Variants in TRAT1 observed in about 807,000 individuals in gnomAD.
TRAT1 encodes T cell receptor associated transmembrane adaptor 1, also known as T-cell receptor-associated transmembrane adapter 1.
In TRAT1, 20 loss-of-function variants were observed where a neutral mutation model predicts 20.0. The observed-to-expected ratio is 1.00, with a 90% CI of 0.70 to 1.45. The LOEUF is 1.45. TRAT1 is among the 40% of genes most tolerant of loss of function. The pLI, the probability that TRAT1 is intolerant of heterozygous loss-of-function variation, is 0.00. For synonymous variants in TRAT1, 77 were observed against 74.2 expected (o/e 1.04, Z -0.20); for missense variants, 237 against 224.1 (o/e 1.06, Z -0.37).
At chr3:108,838,356 TGATAGATA>T (rs11371183) in intron 2 of TRAT1, among the ~76,000 whole-genome samples, 3,477 of 77,000 alleles carry the variant, frequency 0.045, 67 homozygotes, top group South Asian at 0.085. Flanking sequence ...TATAGATAGA[TGATAGATA>T]GATAGATAGA....
At position 108,852,397 on chromosome 3, in the gene TRAT1, G is replaced by GCA. The variant is rs10575104; in HGVS notation, c.304-1198_304-1197dup. Reference sequence around the variant, plus strand: ...AGTCCATCTCAAAAAACACACGCATGCACACACACACACACACACACACAC... The same window carrying GCA: ...AGTCCATCTCAAAAAACACACGCATGCACACACACACACACACACACACACAC... On this transcript the variant is annotated intron_variant, in intron 5 of 5. Transcript: ENST00000295756. Among the ~76,000 whole-genome samples the GCA allele has an allele frequency of 5.3e-3, 786 of 148,174 alleles. 4 individuals are homozygous for GCA. The highest frequency in any genetic ancestry group is 0.017 in the African/African-American group (677 of 40,530).
Position 108,837,439 on chromosome 3 carries a change from C to T in TRAT1, c.119-1495C>T, listed in dbSNP as rs991156463. 5.3e-5 allele frequency among the ~76,000 whole-genome samples: 8 copies of T among 152,300 alleles called. No homozygotes were observed. In the East Asian group the frequency reaches 1.3e-3, roughly 26 times the overall value. ...ATGATTACTTTCATAAATTGTTCCACTAATGTGTCTTTAACAGTTAATAAC... is the reference window on the plus strand; with the variant it reads ...ATGATTACTTTCATAAATTGTTCCATTAATGTGTCTTTAACAGTTAATAAC... On this transcript the variant is annotated intron_variant, in intron 2 of 5. Coordinates refer to ENST00000295756, the MANE Select transcript of TRAT1 (RefSeq NM_016388.4).
At chr3:108,836,154 G>A (rs762576279) in intron 2 of TRAT1, among the ~76,000 whole-genome samples, 45 of 152,162 alleles carry the variant, frequency 3.0e-4, no homozygotes, top group Non-Finnish European at 4.9e-4. Flanking sequence ...TCCCGACCTC[G>A]TGATCTGCCC....
rs753242050 is a variant in TRAT1 at position 108,853,609 on chromosome 3, C to T, written c.304-11C>T. 73 of 1,608,716 alleles carry T rather than the reference C, an allele frequency of 4.5e-5. No individual in the cohort carries two copies. The highest frequency in any genetic ancestry group is 3.3e-4 in the Middle Eastern group (2 of 6,034). ...GACTAACAATGAAAAATTAACATCC[C>T]TTTCTTTTAGGCAACCAATGAAACA... On this transcript the variant is annotated splice_polypyrimidine_tract_variant and intron_variant, in intron 5 of 5. Coordinates refer to ENST00000295756, the MANE Select transcript of TRAT1 (RefSeq NM_016388.4).
At chr3:108,837,288 T>A (rs1422757778) in intron 2 of TRAT1, among the ~76,000 whole-genome samples, 1 of 152,218 alleles carries the variant, frequency 6.6e-6, no homozygotes, top group Non-Finnish European at 1.5e-5. Context: ...CCAAATGGAA[T>A]ACATTCATCA....
intron 3 of TRAT1, among the ~76,000 whole-genome samples, chr3:108,842,052 T>G (rs2107512669): frequency 6.6e-6 from 1 of 152,314 alleles, no homozygotes; most frequent in East Asian, 1.9e-4. Flanking sequence ...GAATAAAAAT[T>G]AATGCCTCTG....
chr3:108,831,136 T>C (rs1055815353), intron 2 of TRAT1, among the ~76,000 whole-genome samples: 6 of 152,148 alleles, frequency 3.9e-5, no homozygotes, highest in African/African-American at 1.4e-4. Flanking sequence ...CAAAGGGAAG[T>C]CTAGCTCTTT....
chr3:108,823,282 T>A (rs1370091661), intron 1 of TRAT1, among the ~76,000 whole-genome samples: 1 of 152,244 alleles, frequency 6.6e-6, no homozygotes, highest in Non-Finnish European at 1.5e-5. Flanking sequence ...ACAGGATAAG[T>A]GTAATTCTAA....
At position 108,833,178 on chromosome 3, in the gene TRAT1, G is replaced by A. The variant is rs139247419; in HGVS notation, c.118+2398G>A. ...AGTGCCTGTAATCCCAGTGCTTTGGGAGGCAGAGGTGGGTGGATTGCCTGA... is the reference window on the plus strand; with the variant it reads ...AGTGCCTGTAATCCCAGTGCTTTGGAAGGCAGAGGTGGGTGGATTGCCTGA... On this transcript the variant is annotated intron_variant, in intron 2 of 5. Transcript: ENST00000295756. 7.0e-4 allele frequency among the ~76,000 whole-genome samples: 107 copies of A among 152,302 alleles called. 1 individual carries two copies. The highest frequency in any genetic ancestry group is 2.5e-3 in the African/African-American group (103 of 41,572).
At chr3:108,828,147 G>T (rs1246364214) in intron 1 of TRAT1, among the ~76,000 whole-genome samples, 1 of 151,974 alleles carries the variant, frequency 6.6e-6, no homozygotes, top group Non-Finnish European at 1.5e-5. Context: ...AGTATGATTG[G>T]TTATATTGTA....
intron 5 of TRAT1, among the ~76,000 whole-genome samples, chr3:108,850,966 CT>C (rs1945993100): frequency 2.0e-5 from 3 of 152,156 alleles, no homozygotes; most frequent in Non-Finnish European, 4.4e-5. Flanking sequence ...TAAAAGCCTG[CT>C]CTTTTGTAAA....
chr3:108,845,401 C>A (rs938341709), intron 3 of TRAT1, among the ~76,000 whole-genome samples: 2 of 152,160 alleles, frequency 1.3e-5, no homozygotes, highest in Non-Finnish European at 2.9e-5. Flanking sequence ...GATGGATTGT[C>A]TTATTAAAAA....
In TRAT1 at chr3:108,854,130, C is replaced by G. The variant is rs1946024793; in HGVS notation, c.*253C>G. On this transcript the variant is annotated 3_prime_UTR_variant, in exon 6 of 6. Transcript: ENST00000295756. ...TAAAAAATTAATGTGCTCACCTCGG[C>G]AGCACATATACTAAAAATTAATAAG... 2.8e-6 allele frequency: 1 copy of G among 362,382 alleles called. No individual in the cohort carries two copies. Among genetic ancestry groups the G allele is most frequent in the Non-Finnish European group, 5.0e-6 (1 of 199,206 alleles). The allele number at this position is 362,382 out of a possible 1,614,324, so 22.4% of individuals were successfully genotyped here.
intron 2 of TRAT1, among the ~76,000 whole-genome samples, chr3:108,832,324 C>A (rs907123365): frequency 5.9e-5 from 9 of 152,156 alleles, no homozygotes; most frequent in African/African-American, 2.2e-4. Context: ...TATATCAATT[C>A]TATGGCTAAG....
intron 3 of TRAT1, among the ~76,000 whole-genome samples, chr3:108,842,657 G>A (rs1273054978): frequency 6.6e-6 from 1 of 152,086 alleles, no homozygotes; most frequent in Non-Finnish European, 1.5e-5. Flanking sequence ...CTTATTCTTG[G>A]CTGCCCCCTT....
chr3:108,842,194 G>T (rs1945901950), intron 3 of TRAT1, among the ~76,000 whole-genome samples: 1 of 152,148 alleles, frequency 6.6e-6, no homozygotes, highest in African/African-American at 2.4e-5. Context: ...TGCATTTCCA[G>T]CAGATTTTCA....
chr3:108,830,758 C>T lies in TRAT1; in HGVS notation c.96C>T (p.His32=). Reference sequence around the variant, plus strand: ...TATCACTGATCTTCAATATTTCCCACTATGTGGAAAAGCAACGACAAGGTA... The same window carrying T: ...TATCACTGATCTTCAATATTTCCCATTATGTGGAAAAGCAACGACAAGGTA... ...LVISLIFNIS[H]YVEKQRQDKM... is the part of the protein sequence containing the mutation. Residue 32 remains histidine (H), a synonymous_variant, in exon 2 of 6, where the codon CAC becomes CAT. Coordinates refer to ENST00000295756, the MANE Select transcript of TRAT1 (RefSeq NM_016388.4). 6.2e-7 allele frequency: 1 copy of T among 1,613,076 alleles called. No homozygotes were observed. Among genetic ancestry groups the T allele is most frequent in the Non-Finnish European group, 8.5e-7 (1 of 1,179,068 alleles).
At chr3:108,844,761 G>A (rs1480503199) in intron 3 of TRAT1, among the ~76,000 whole-genome samples, 2 of 144,078 alleles carry the variant, frequency 1.4e-5, no homozygotes, top group East Asian at 2.0e-4. Flanking sequence ...GCAGAATGAC[G>A]TGAATCCGGG....
At chr3:108,836,414 G>T (rs1467294872) in intron 2 of TRAT1, among the ~76,000 whole-genome samples, 2 of 152,066 alleles carry the variant, frequency 1.3e-5, no homozygotes, top group African/African-American at 2.4e-5. Flanking sequence ...TGTTTTTGCT[G>T]ATTTTTTTCC....
Sources: allele counts gnomAD v4.1 joint callset (sites outside exome capture counted in the v4.1 genomes callset), GRCh38; gene constraint gnomAD v4.1.1; transcripts MANE v1.5; gene names NCBI Gene and HGNC (gene_info 2026-07-23, HGNC 2026-07-21).